The following DPYSL3 variants were observed in gnomAD, a reference collection of about 807,000 sequenced individuals.
DPYSL3 encodes the protein dihydropyrimidinase-related protein 3.
Under a neutral mutation model 66.1 loss-of-function variants are expected in DPYSL3, and 16 were observed. The observed-to-expected ratio is 0.24, with a 90% confidence interval of 0.16 to 0.37. The LOEUF (loss-of-function observed/expected upper bound fraction) is 0.37. Ranked by LOEUF, DPYSL3 falls within the 10% of genes least tolerant of loss-of-function variation. The probability of loss-of-function intolerance (pLI) is 1.00; values close to 1 mark genes in which losing one functional copy is unlikely to be tolerated. For synonymous variants in DPYSL3, 338 were observed against 345.1 expected (o/e 0.98, Z 0.23); for missense variants, 738 against 916.2 (o/e 0.81, Z 2.51).
At chr5:147,405,279 C>T (rs1317869835) in intron 8 of DPYSL3, among the ~76,000 whole-genome samples, 1 of 152,156 alleles carries the variant, frequency 6.6e-6, no homozygotes, top group Non-Finnish European at 1.5e-5. Flanking sequence ...CCAATTTAAT[C>T]CTGACTGATA....
At chr5:147,503,820 C>T (rs1753648413) in intron 1 of DPYSL3, among the ~76,000 whole-genome samples, 1 of 152,112 alleles carries the variant, frequency 6.6e-6, no homozygotes. Context: ...AGGTAACTTG[C>T]CCAAGTTGTA....
rs149736068 is a variant in DPYSL3 at position 147,464,770 on chromosome 5, T to C, written c.382-39807A>G. On this transcript the variant is annotated intron_variant, in intron 1 of 13. Transcript: ENST00000343218. ...AGGTACTAGCTGAGAGTGAGGAGCA[T>C]CTAGAATGGTCAGTAGAGGACAATA... 8.0e-3 allele frequency among the ~76,000 whole-genome samples: 1,216 copies of C among 152,126 alleles called. 13 individuals carry two copies. The highest frequency in any genetic ancestry group is 0.028 in the African/African-American group (1,145 of 41,496).
chr5:147,509,320 A>G lies in DPYSL3; in HGVS notation c.381+158T>C, dbSNP rs1327544585. ...CACGCGCGAATCCAGGGTCTGGGCTAGGAAGTCGCGCTACGCTCAGTGGAG... is the reference window on the plus strand; with the variant it reads ...CACGCGCGAATCCAGGGTCTGGGCTGGGAAGTCGCGCTACGCTCAGTGGAG... On this transcript the variant is annotated intron_variant, in intron 1 of 13. Transcript: ENST00000343218. This position sits in a 1 kb window ranked among gnomAD's most constrained non-coding sequence, Gnocchi z 5.3. Among the ~76,000 whole-genome samples, 1 of 152,192 alleles carries G rather than the reference A, an allele frequency of 6.6e-6. No individual in the cohort carries two copies. Among genetic ancestry groups the G allele is most frequent in the Admixed American group, 6.5e-5 (1 of 15,284 alleles).
chr5:147,421,715 A>C (rs1054849030), intron 2 of DPYSL3, among the ~76,000 whole-genome samples: 1 of 152,190 alleles, frequency 6.6e-6, no homozygotes, highest in Non-Finnish European at 1.5e-5. Context: ...ACACATCTAC[A>C]ACTATTTGAT....
chr5:147,465,724 C>A (rs55808466), intron 1 of DPYSL3, among the ~76,000 whole-genome samples: 7,073 of 152,186 alleles, frequency 0.046, 497 homozygotes, highest in African/African-American at 0.14. Flanking sequence ...ATGTGAGCAC[C>A]CAGAGGCCTG....
intron 1 of DPYSL3, among the ~76,000 whole-genome samples, chr5:147,463,033 A>G (rs564611628): frequency 6.6e-6 from 1 of 152,254 alleles, no homozygotes; most frequent in East Asian, 1.9e-4. Context: ...CCTAGCAGCA[A>G]TTCACTGCAG....
chr5:147,440,019 TGGGCCAG>T (rs1752503090), intron 1 of DPYSL3, among the ~76,000 whole-genome samples: 1 of 152,156 alleles, frequency 6.6e-6, no homozygotes, highest in Admixed American at 6.5e-5. Context: ...AACATCTGGG[TGGGCCAG>T]GCACAGCGGC....
Position 147,399,045 on chromosome 5 carries a change from C to A in DPYSL3, c.1623+37G>T, listed in dbSNP as rs181816298. The A allele has an allele frequency of 1.9e-5, 30 of 1,602,320 alleles. No individual in the cohort carries two copies. In the South Asian group the frequency reaches 3.4e-4, roughly 18 times the overall value. On this transcript the variant is annotated intron_variant, in intron 11 of 13. Coordinates refer to ENST00000343218, the MANE Select transcript of DPYSL3 (RefSeq NM_001197294.2). ...CCTGACCAAGTTCCTTGCATGCATT[C>A]TCCATTCTACTCCACTCCCACCAGA...
chr5:147,449,466 A>G (rs1752686773), intron 1 of DPYSL3, among the ~76,000 whole-genome samples: 1 of 152,218 alleles, frequency 6.6e-6, no homozygotes, highest in Admixed American at 6.5e-5. Context: ...CAGAAATCCA[A>G]TCAGTGGTTG....
At position 147,447,979 on chromosome 5, in the gene DPYSL3, C is replaced by T. The variant is rs192721394; in HGVS notation, c.382-23016G>A. 2.6e-5 allele frequency among the ~76,000 whole-genome samples: 4 copies of T among 152,316 alleles called. No individual in the cohort carries two copies. The South Asian group carries it at 6.2e-4, about 24-fold the overall frequency. ...TTTACACCTTAGAGACTCATTCCTACTACTGTAAACATTTTGCCGTTTTTC... is the reference window on the plus strand; with the variant it reads ...TTTACACCTTAGAGACTCATTCCTATTACTGTAAACATTTTGCCGTTTTTC... On this transcript the variant is annotated intron_variant, in intron 1 of 13. Transcript: ENST00000343218.
At chr5:147,498,522 C>T (rs1753555814) in intron 1 of DPYSL3, among the ~76,000 whole-genome samples, 1 of 152,206 alleles carries the variant, frequency 6.6e-6, no homozygotes, top group African/African-American at 2.4e-5. Flanking sequence ...ACACCGTCTT[C>T]CACAATGGCT....
chr5:147,432,731 A>G lies in DPYSL3; in HGVS notation c.382-7768T>C, dbSNP rs1248045975. On this transcript the variant is annotated intron_variant, in intron 1 of 13. Transcript: ENST00000343218. ...TTGTGCACTACCTGCATGATATCTG[A>G]CACAGCCTGCAATAAACTGTGCTGT... Among the ~76,000 whole-genome samples, 4 of 152,198 alleles carry G rather than the reference A, an allele frequency of 2.6e-5. No homozygotes were observed. The East Asian group carries it at 7.7e-4, about 29-fold the overall frequency.
chr5:147,408,939 T>C (rs1751784925), intron 6 of DPYSL3, 143 bp from the exon 7 acceptor site: 3 of 792,234 alleles, frequency 3.8e-6, no homozygotes, highest in Admixed American at 4.7e-5. Context: ...GGAGTTGCAA[T>C]ATAGGGTAGA....
intron 1 of DPYSL3, among the ~76,000 whole-genome samples, chr5:147,433,084 T>C (rs12657176): frequency 0.061 from 9,317 of 152,204 alleles, 722 homozygotes; most frequent in African/African-American, 0.17. Context: ...TGTCATTATG[T>C]GATTCCATGT....
chr5:147,404,143 G>T (rs1758273103), intron 8 of DPYSL3, among the ~76,000 whole-genome samples: 1 of 152,156 alleles, frequency 6.6e-6, no homozygotes, highest in Admixed American at 6.5e-5. Flanking sequence ...TTTTCTCCAA[G>T]AATGAGTGAG....
Position 147,509,935 on chromosome 5 carries a change from G to A in DPYSL3, c.-77C>T, listed in dbSNP as rs935490028. 6.2e-6 allele frequency: 9 copies of A among 1,446,654 alleles called. No individual in the cohort carries two copies. Among genetic ancestry groups the A allele is most frequent in the Non-Finnish European group, 8.2e-6 (9 of 1,103,132 alleles). The allele number at this position is 1,446,654 out of a possible 1,614,324, so 89.6% of individuals were successfully genotyped here. A position where few individuals can be genotyped will look rare whatever the true frequency, so the allele number is the denominator to read the frequency against. ...GGCAGCCGCCGGCAGCGTGCGCCGAGCCACAGTGACTGTGGCGGGAGGAGG... is the reference window on the plus strand; with the variant it reads ...GGCAGCCGCCGGCAGCGTGCGCCGAACCACAGTGACTGTGGCGGGAGGAGG... On this transcript the variant is annotated 5_prime_UTR_variant, in exon 1 of 14. Coordinates refer to ENST00000343218, the MANE Select transcript of DPYSL3 (RefSeq NM_001197294.2). This position sits in a 1 kb window ranked among gnomAD's most constrained non-coding sequence, Gnocchi z 5.3.
intron 1 of DPYSL3, among the ~76,000 whole-genome samples, chr5:147,433,625 G>C (rs1013819867): frequency 6.6e-6 from 1 of 152,194 alleles, no homozygotes; most frequent in African/African-American, 2.4e-5. Flanking sequence ...CTTCAGCTGA[G>C]TGAAGGTAAA....
At chr5:147,428,781 C>T (rs1014912058) in intron 1 of DPYSL3, among the ~76,000 whole-genome samples, 66 of 151,912 alleles carry the variant, frequency 4.3e-4, no homozygotes, top group Admixed American at 7.9e-4. Flanking sequence ...GAAAACAACA[C>T]ACACTGGGGC....
At chr5:147,442,063 A>C (rs563480128) in intron 1 of DPYSL3, among the ~76,000 whole-genome samples, 1 of 152,248 alleles carries the variant, frequency 6.6e-6, no homozygotes, top group Non-Finnish European at 1.5e-5. Context: ...CCCCAAACAA[A>C]GTAATCTCAT....
Sources: gnomAD v4.1 joint callset for allele counts (sites outside exome capture counted in the v4.1 genomes callset) on GRCh38, gnomAD v4.1.1 for gene constraint, Gnocchi (gnomAD v3.1) non-coding constraint, MANE v1.5 for transcripts, NCBI Gene and HGNC (gene_info 2026-07-23, HGNC 2026-07-21) for gene names.